Variants in R3HCC1L observed in about 807,000 individuals in gnomAD.
The protein encoded by R3HCC1L is R3H domain and coiled-coil containing 1 like.
A neutral mutation model predicts 59.9 loss-of-function variants in R3HCC1L; 51 were observed. That is an observed-to-expected ratio of 0.85 (90% CI 0.68 to 1.07). The LOEUF (loss-of-function observed/expected upper bound fraction) is 1.07. Ranked by LOEUF, R3HCC1L falls within the 50% of genes least tolerant of loss-of-function variation. The probability of loss-of-function intolerance (pLI) is 0.00; values close to 1 mark genes in which losing one functional copy is unlikely to be tolerated. For synonymous variants in R3HCC1L, 322 were observed against 315.2 expected (o/e 1.02, Z -0.23); for missense variants, 965 against 933.0 (o/e 1.03, Z -0.45).
intron 1 of R3HCC1L, among the ~76,000 whole-genome samples, chr10:98,143,900 T>C (rs1845408759): frequency 6.6e-6 from 1 of 152,232 alleles, no homozygotes. Context: ...AAGTAACTGT[T>C]AACATTGGGG....
chr10:98,146,242 G>A (rs1456997080), intron 1 of R3HCC1L, among the ~76,000 whole-genome samples: 1 of 151,920 alleles, frequency 6.6e-6, no homozygotes, highest in Admixed American at 6.6e-5. Flanking sequence ...TTTTTTGGTG[G>A]GGGGGACATG....
rs370833251 is a variant in R3HCC1L at position 98,231,496 on chromosome 10, G to T, written c.1786-16G>T. ...GTTTAATGTAACCGGCACTTAACGT[G>T]CTTCTTCCTTTCTAGTTATCAGGGA... On this transcript the variant is annotated splice_polypyrimidine_tract_variant and intron_variant, in intron 5 of 9. Coordinates refer to ENST00000298999, the MANE Select transcript of R3HCC1L (RefSeq NM_001351015.2). The T allele has an allele frequency of 2.5e-6, 4 of 1,606,016 alleles. No homozygotes were observed. The African/African-American group carries it at 5.4e-5, about 22-fold the overall frequency.
intron 4 of R3HCC1L, among the ~76,000 whole-genome samples, chr10:98,189,666 G>GAAA (rs2044837882): frequency 6.6e-6 from 1 of 152,132 alleles, no homozygotes; most frequent in South Asian, 2.1e-4. Context: ...ATTATTTTGT[G>GAAA]TTTTCAAGTG....
chr10:98,243,014 C>G (rs1437737086), intron 9 of R3HCC1L, among the ~76,000 whole-genome samples: 1 of 152,184 alleles, frequency 6.6e-6, no homozygotes, highest in Non-Finnish European at 1.5e-5. Flanking sequence ...TCAGATAATG[C>G]CACAAGATGG....
chr10:98,162,672 T>C (rs201304851), intron 2 of R3HCC1L, among the ~76,000 whole-genome samples: 1 of 148,028 alleles, frequency 6.8e-6, no homozygotes, highest in Non-Finnish European at 1.5e-5. Context: ...GTGTGTGTGT[T>C]TGTGTGTGTG....
chr10:98,160,346 T>C (rs1847285159), intron 2 of R3HCC1L, among the ~76,000 whole-genome samples: 1 of 152,240 alleles, frequency 6.6e-6, no homozygotes, highest in South Asian at 2.1e-4. Flanking sequence ...ATTTGAAAAC[T>C]TACTACAAAA....
intron 4 of R3HCC1L, among the ~76,000 whole-genome samples, chr10:98,184,851 A>G (rs1054837774): frequency 6.6e-6 from 1 of 152,124 alleles, no homozygotes; most frequent in Non-Finnish European, 1.5e-5. Flanking sequence ...AGTAATTACA[A>G]AATTTTTTAA....
At chr10:98,162,672 TTGTGTGTG>T (rs138697556) in intron 2 of R3HCC1L, among the ~76,000 whole-genome samples, 2 of 148,030 alleles carry the variant, frequency 1.4e-5, no homozygotes, top group African/African-American at 2.5e-5. Flanking sequence ...GTGTGTGTGT[TTGTGTGTG>T]TGTGTGTGTG....
intron 1 of R3HCC1L, among the ~76,000 whole-genome samples, chr10:98,148,684 G>A (rs1845884407): frequency 6.6e-6 from 1 of 152,144 alleles, no homozygotes; most frequent in African/African-American, 2.4e-5. Flanking sequence ...AATGTGTCAT[G>A]TTTATTGATT....
chr10:98,146,068 G>A (rs10786396), intron 1 of R3HCC1L, among the ~76,000 whole-genome samples: 103,243 of 152,086 alleles, frequency 0.68, 35,200 homozygotes, highest in African/African-American at 0.76. Context: ...ATAATTGGCA[G>A]TTTCTAAAAA....
chr10:98,136,693 C>T (rs1277777803), intron 1 of R3HCC1L, among the ~76,000 whole-genome samples: 1 of 151,954 alleles, frequency 6.6e-6, no homozygotes, highest in Non-Finnish European at 1.5e-5. Flanking sequence ...AAAAATTAAC[C>T]AGGTGTAGTG....
chr10:98,213,409 C>T (rs1396720753), intron 5 of R3HCC1L, among the ~76,000 whole-genome samples: 3 of 152,130 alleles, frequency 2.0e-5, no homozygotes, highest in South Asian at 2.1e-4. Context: ...CCACAGCAAT[C>T]TGCAGGGAAA....
chr10:98,237,990 T>C (rs1035367608), intron 9 of R3HCC1L, among the ~76,000 whole-genome samples: 4 of 152,286 alleles, frequency 2.6e-5, no homozygotes, highest in Middle Eastern at 3.4e-3. Flanking sequence ...TTACTTACTT[T>C]CTGGAGGCCT....
chr10:98,173,332 T>C (rs1848693249), intron 4 of R3HCC1L, among the ~76,000 whole-genome samples: 1 of 152,152 alleles, frequency 6.6e-6, no homozygotes, highest in Non-Finnish European at 1.5e-5. Flanking sequence ...TCCCTAGCCA[T>C]AGCCAGCTTC....
chr10:98,235,392 A>T, intron 7 of R3HCC1L, 33 bp from the exon 8 acceptor site: 2 of 1,573,650 alleles, frequency 1.3e-6, no homozygotes, highest in Non-Finnish European at 1.7e-6. Context: ...ACTCTACTTC[A>T]TGTCTTCTGC....
At position 98,208,182 on chromosome 10, in the gene R3HCC1L, A is replaced by C; in HGVS notation, c.68A>C (p.Lys23Thr). ...RRPDMALYVPKARRGAVLLKT... is the reference protein window; with the variant it reads ...RRPDMALYVPTARRGAVLLKT... ...CCTGACATGGCACTTTATGTACCTA[A>C]AGCTCGTAGGGGTGCAGTACTCCTT... is the stretch of plus-strand genomic sequence containing the variant. Residue 23 changes from lysine (K) to threonine (T), a missense_variant, in exon 5 of 10, where the codon AAA becomes ACA. Physicochemically the swap from Lys to Thr is moderately conservative, Grantham distance 78 (BLOSUM62 -1). Transcript: ENST00000298999. The C allele has an allele frequency of 1.9e-6, 3 of 1,614,080 alleles. No individual in the cohort carries two copies. Among genetic ancestry groups the C allele is most frequent in the Non-Finnish European group, 2.5e-6 (3 of 1,180,014 alleles).
Position 98,214,590 on chromosome 10 carries a change from C to T in R3HCC1L, c.1785+4691C>T, listed in dbSNP as rs1348801123. 7.2e-5 allele frequency among the ~76,000 whole-genome samples: 11 copies of T among 152,124 alleles called. No individual in the cohort carries two copies. The East Asian group carries it at 2.1e-3, about 29-fold the overall frequency. Reference sequence around the variant, plus strand: ...CCAACTTGTGCCCAAATCTTGTTGTCCTTGTCACTGTAACCCCCAGTGCCT... The same window carrying T: ...CCAACTTGTGCCCAAATCTTGTTGTTCTTGTCACTGTAACCCCCAGTGCCT... On this transcript the variant is annotated intron_variant, in intron 5 of 9. Coordinates refer to ENST00000298999, the MANE Select transcript of R3HCC1L (RefSeq NM_001351015.2).
At chr10:98,211,255 T>C (rs896416837) in intron 5 of R3HCC1L, 36 of 1,208,912 alleles carry the variant, frequency 3.0e-5, no homozygotes, top group Non-Finnish European at 4.0e-5. Flanking sequence ...AGGAACTTGT[T>C]AGAAATTCAA....
chr10:98,149,173 C>G (rs1845924570), intron 1 of R3HCC1L, among the ~76,000 whole-genome samples: 1 of 152,132 alleles, frequency 6.6e-6, no homozygotes, highest in South Asian at 2.1e-4. Context: ...ATAATAGTCT[C>G]TAATGATTCT....
Sources: allele counts gnomAD v4.1 joint callset (sites outside exome capture counted in the v4.1 genomes callset), GRCh38; gene constraint gnomAD v4.1.1; transcripts MANE v1.5; gene names NCBI Gene and HGNC (gene_info 2026-07-23, HGNC 2026-07-21).